EXOC4: variants seen among roughly 807,000 people sequenced by gnomAD.
EXOC4 encodes the protein SEC8-like 1.
A neutral mutation model predicts 107.2 loss-of-function variants in EXOC4; 71 were observed. The observed-to-expected ratio is 0.66, with a 90% CI of 0.55 to 0.81. The LOEUF (loss-of-function observed/expected upper bound fraction) is 0.81. EXOC4 is among the 30% of genes least tolerant of loss of function. EXOC4 has a pLI of 0.00. For missense variants in EXOC4, 1,108 were observed against 1,189.6 expected (o/e 0.93, Z 1.01); for synonymous variants, 456 against 441.2 (o/e 1.03, Z -0.42).
In EXOC4 at chr7:134,064,587, G is replaced by A. The variant is rs16874405; in HGVS notation, c.*59G>A. On this transcript the variant is annotated 3_prime_UTR_variant, in exon 18 of 18. Transcript: ENST00000253861. ...TCAGTCACACTCACTTTTTTCCTTG[G>A]TATGTTATTGAGTATATTCTGAGCT... The A allele has an allele frequency of 7.3e-3, 8,409 of 1,156,890 alleles. 239 individuals carry two copies. The African/African-American group carries it at 0.076, about 10-fold the overall frequency. 71.7% of individuals were successfully genotyped at this position (1,156,890 alleles called of 1,614,324 possible).
chr7:134,050,460 T>C (rs1362246432), intron 17 of EXOC4, among the ~76,000 whole-genome samples: 1 of 150,430 alleles, frequency 6.6e-6, no homozygotes, highest in Non-Finnish European at 1.5e-5. Flanking sequence ...TTTTTTATTG[T>C]ATCATCAGCT....
rs540238103 is a variant in EXOC4, at chr7:133,509,677, C to T, written c.1417+29539C>T. Among the ~76,000 whole-genome samples the T allele has an allele frequency of 1.6e-4, 25 of 152,282 alleles. No individual in the cohort carries two copies. In the South Asian group the frequency reaches 4.8e-3, roughly 29 times the overall value. Reference sequence around the variant, plus strand: ...AACATTTCCAGCCCTGGACTATGTACTGTCAAATTGGAGAGAGAAATAAAT... The same window carrying T: ...AACATTTCCAGCCCTGGACTATGTATTGTCAAATTGGAGAGAGAAATAAAT... On this transcript the variant is annotated intron_variant, in intron 9 of 17. Coordinates refer to ENST00000253861, the MANE Select transcript of EXOC4 (RefSeq NM_021807.4).
intron 7 of EXOC4, among the ~76,000 whole-genome samples, chr7:133,398,716 A>G (rs1483980062): frequency 2.0e-5 from 3 of 152,160 alleles, no homozygotes; most frequent in African/African-American, 7.2e-5. Flanking sequence ...TAAGTTCCAC[A>G]TTCTCAACTG....
intron 7 of EXOC4, among the ~76,000 whole-genome samples, chr7:133,442,038 G>T (rs1319753429): frequency 6.6e-6 from 1 of 152,180 alleles, no homozygotes; most frequent in Non-Finnish European, 1.5e-5. Context: ...AGATCTACCA[G>T]TAACTAATGA....
chr7:133,613,553 G>T (rs1401371576), intron 9 of EXOC4, among the ~76,000 whole-genome samples: 1 of 151,748 alleles, frequency 6.6e-6, no homozygotes, highest in Admixed American at 6.6e-5. Flanking sequence ...ACAAAGCACC[G>T]TTAGTCACAG....
chr7:133,713,722 GA>G (rs889689498), intron 10 of EXOC4, among the ~76,000 whole-genome samples: 5 of 152,018 alleles, frequency 3.3e-5, no homozygotes, highest in African/African-American at 1.2e-4. Context: ...CATGAGATCT[GA>G]TGGTTTTATA....
chr7:134,076,517 C>CA, the EXOC4 span, among the ~76,000 whole-genome samples: 10 of 149,078 alleles, frequency 6.7e-5, no homozygotes, highest in Middle Eastern at 3.4e-3. Context: ...GACTCTGTCT[C>CA]AAAAAAAAAG....
intron 7 of EXOC4, among the ~76,000 whole-genome samples, chr7:133,399,907 G>A (rs1475506096): frequency 2.0e-5 from 3 of 152,212 alleles, no homozygotes; most frequent in South Asian, 4.1e-4. Flanking sequence ...GTTCATGTAT[G>A]TGTTTAGTCA....
At chr7:133,853,167 A>G (rs971614357) in intron 11 of EXOC4, among the ~76,000 whole-genome samples, 3 of 152,092 alleles carry the variant, frequency 2.0e-5, no homozygotes, top group African/African-American at 4.8e-5. Flanking sequence ...GAACAATGCC[A>G]TTCTTTAGCA....
chr7:133,610,057 A>G (rs1461682249), intron 9 of EXOC4, among the ~76,000 whole-genome samples: 1 of 152,158 alleles, frequency 6.6e-6, no homozygotes, highest in African/African-American at 2.4e-5. Context: ...TAATGTGTGC[A>G]ATATTCCTTT....
chr7:133,884,733 T>TA (rs1365186280), intron 11 of EXOC4, among the ~76,000 whole-genome samples: 1 of 152,100 alleles, frequency 6.6e-6, no homozygotes, highest in African/African-American at 2.4e-5. Context: ...TCTCAGGAGC[T>TA]AAAACAGTAC....
chr7:133,253,485 G>T (rs1296808211), intron 1 of EXOC4: 3 of 1,125,388 alleles, frequency 2.7e-6, no homozygotes, highest in African/African-American at 3.2e-5. Context: ...GAGAAAACCA[G>T]GTGTAAAGGT....
At chr7:133,932,505 A>G (rs749133825) in intron 13 of EXOC4, among the ~76,000 whole-genome samples, 6 of 152,230 alleles carry the variant, frequency 3.9e-5, no homozygotes, top group African/African-American at 7.2e-5. Context: ...CATATGTACC[A>G]TATACTGACT....
intron 10 of EXOC4, among the ~76,000 whole-genome samples, chr7:133,705,514 GCTAT>G (rs1414748150): frequency 6.6e-6 from 1 of 152,136 alleles, no homozygotes; most frequent in African/African-American, 2.4e-5. Context: ...CCACAATTTT[GCTAT>G]CTGTGACTTC....
At chr7:133,363,646 CTT>C (rs1247761346) in intron 6 of EXOC4, among the ~76,000 whole-genome samples, 1 of 148,838 alleles carries the variant, frequency 6.7e-6, no homozygotes, top group South Asian at 2.1e-4. Context: ...CTCGATTTCT[CTT>C]GTTTTACATA....
At chr7:133,699,272 C>A (rs886084826) in intron 10 of EXOC4, among the ~76,000 whole-genome samples, 1 of 152,256 alleles carries the variant, frequency 6.6e-6, no homozygotes, top group Admixed American at 6.5e-5. Flanking sequence ...CTGACACTTT[C>A]CTAGACTGAG....
intron 14 of EXOC4, among the ~76,000 whole-genome samples, chr7:133,946,417 C>G (rs186190903): frequency 3.9e-5 from 6 of 152,268 alleles, no homozygotes; most frequent in Non-Finnish European, 7.4e-5. Context: ...TTCTGTTGAG[C>G]CTTTCTCTCT....
intron 7 of EXOC4, among the ~76,000 whole-genome samples, chr7:133,416,634 C>T (rs925890795): frequency 6.6e-6 from 1 of 152,212 alleles, no homozygotes; most frequent in African/African-American, 2.4e-5. Flanking sequence ...GCCATCAACA[C>T]TACCTCACTC....
At chr7:134,090,791 G>A in the EXOC4 span, among the ~76,000 whole-genome samples, 21 of 152,076 alleles carry the variant, frequency 1.4e-4, no homozygotes, top group African/African-American at 3.9e-4. Context: ...ACCCACAGCC[G>A]TCAGCAAAGA....
Sources: gnomAD v4.1 joint callset for allele counts (sites outside exome capture counted in the v4.1 genomes callset) on GRCh38, gnomAD v4.1.1 for gene constraint, MANE v1.5 for transcripts, NCBI Gene and HGNC (gene_info 2026-07-23, HGNC 2026-07-21) for gene names.